The following ZRANB3 variants were observed in gnomAD, a reference collection of about 807,000 sequenced individuals.
ZRANB3 encodes DNA annealing helicase and endonuclease ZRANB3.
A neutral mutation model predicts 133.8 loss-of-function variants in ZRANB3; 125 were observed. That is an observed-to-expected ratio of 0.93 (90% CI 0.81 to 1.08). The LOEUF is 1.08. ZRANB3 is among the 50% of genes least tolerant of loss of function. The probability of loss-of-function intolerance (pLI) is 0.00; values close to 1 mark genes in which losing one functional copy is unlikely to be tolerated. For missense variants in ZRANB3, 1,229 were observed against 1,275.5 expected (o/e 0.96, Z 0.56); for synonymous variants, 387 against 432.7 (o/e 0.89, Z 1.31).
intron 17 of ZRANB3, among the ~76,000 whole-genome samples, chr2:135,211,374 C>T (rs1357410233): frequency 6.6e-6 from 1 of 152,096 alleles, no homozygotes; most frequent in Non-Finnish European, 1.5e-5. Flanking sequence ...AACCCTGTCT[C>T]TACTAAAAAT....
At chr2:135,218,774 G>C (rs1010876890) in intron 16 of ZRANB3, among the ~76,000 whole-genome samples, 2 of 152,132 alleles carry the variant, frequency 1.3e-5, no homozygotes, top group East Asian at 3.8e-4. Context: ...TGTGATTCTA[G>C]CAGATACAAA....
intron 2 of ZRANB3, among the ~76,000 whole-genome samples, chr2:135,430,172 T>A (rs1429050251): frequency 2.0e-5 from 3 of 150,938 alleles, no homozygotes; most frequent in Non-Finnish European, 4.4e-5. Flanking sequence ...CAAGACTCTG[T>A]CTCAAAAAAA....
intron 5 of ZRANB3, 28 bp from the exon 6 acceptor site, chr2:135,345,663 G>A (rs768417183): frequency 6.9e-7 from 1 of 1,439,070 alleles, no homozygotes; most frequent in Non-Finnish European, 9.6e-7. Context: ...TTTGTAGTAT[G>A]TTGTAATATT....
chr2:135,298,392 C>A (rs1682262650), intron 8 of ZRANB3, among the ~76,000 whole-genome samples: 1 of 152,078 alleles, frequency 6.6e-6, no homozygotes, highest in Non-Finnish European at 1.5e-5. Context: ...GTTAAAGAAC[C>A]TTGCTTTGTC....
At chr2:135,297,566 T>C (rs1682201766) in intron 8 of ZRANB3, among the ~76,000 whole-genome samples, 1 of 152,214 alleles carries the variant, frequency 6.6e-6, no homozygotes, top group Admixed American at 6.5e-5. Context: ...TCATGCACCG[T>C]GCGCTGCACC....
intron 2 of ZRANB3, among the ~76,000 whole-genome samples, chr2:135,407,770 A>G (rs1688109656): frequency 6.7e-6 from 1 of 149,328 alleles, no homozygotes; most frequent in Non-Finnish European, 1.5e-5. Context: ...GGCTAGCCAT[A>G]TGTAGAAAGC....
intron 6 of ZRANB3, among the ~76,000 whole-genome samples, chr2:135,318,581 T>A (rs1683370766): frequency 6.6e-6 from 1 of 151,274 alleles, no homozygotes; most frequent in Admixed American, 6.6e-5. Flanking sequence ...TATATATGTA[T>A]GTCTGTATAA....
chr2:135,512,058 T>G (rs1347119129), intron 1 of ZRANB3: 2 of 505,948 alleles, frequency 4.0e-6, no homozygotes, highest in Non-Finnish European at 7.3e-6. Context: ...AAACCCCTCA[T>G]GCAACTGTGT....
chr2:135,438,381 T>C (rs2104989856), intron 2 of ZRANB3, among the ~76,000 whole-genome samples: 1 of 152,042 alleles, frequency 6.6e-6, no homozygotes, highest in South Asian at 2.1e-4. Context: ...GGCGTGCACC[T>C]GTAATCCCAG....
chr2:135,432,713 G>C (rs1558996043), intron 2 of ZRANB3, among the ~76,000 whole-genome samples: 1 of 152,110 alleles, frequency 6.6e-6, no homozygotes, highest in Non-Finnish European at 1.5e-5. Context: ...GCCCAAACAG[G>C]AACGTCTGAA....
chr2:135,466,874 A>G (rs1355700772), intron 2 of ZRANB3, among the ~76,000 whole-genome samples: 3 of 151,950 alleles, frequency 2.0e-5, no homozygotes, highest in Admixed American at 1.3e-4. Context: ...GATGGGTTTC[A>G]CCATGTTGCC....
chr2:135,511,667 G>C, intron 1 of ZRANB3: 1 of 768,536 alleles, frequency 1.3e-6, no homozygotes, highest in South Asian at 1.3e-5. Flanking sequence ...CCCAACACCT[G>C]GACTACCACA....
At chr2:135,296,844 C>G (rs1175345550) in intron 8 of ZRANB3, among the ~76,000 whole-genome samples, 1 of 152,194 alleles carries the variant, frequency 6.6e-6, no homozygotes, top group East Asian at 1.9e-4. Context: ...GAGGTCCACT[C>G]CAGACCCTGT....
At chr2:135,330,256 T>C (rs1684071054) in intron 6 of ZRANB3, among the ~76,000 whole-genome samples, 1 of 152,200 alleles carries the variant, frequency 6.6e-6, no homozygotes, top group Admixed American at 6.6e-5. Context: ...TTACAGTTTT[T>C]GGCATGAAGG....
At chr2:135,338,199 A>G (rs1376450383) in intron 6 of ZRANB3, among the ~76,000 whole-genome samples, 2 of 152,240 alleles carry the variant, frequency 1.3e-5, no homozygotes, top group Non-Finnish European at 2.9e-5. Flanking sequence ...CAGATCCAGT[A>G]TTCAATAATT....
chr2:135,470,742 T>C (rs1431584635), intron 2 of ZRANB3, among the ~76,000 whole-genome samples: 1 of 151,330 alleles, frequency 6.6e-6, no homozygotes, highest in Non-Finnish European at 1.5e-5. Context: ...TTACTTCAAA[T>C]ACGGAGTCAA....
At chr2:135,529,477 T>A (rs1311720572) in intron 1 of ZRANB3, among the ~76,000 whole-genome samples, 3 of 152,134 alleles carry the variant, frequency 2.0e-5, no homozygotes, top group Admixed American at 2.0e-4. Context: ...GTATTATAGT[T>A]GGCACCCTGT....
chr2:135,383,054 T>C (rs1306018890), intron 3 of ZRANB3, among the ~76,000 whole-genome samples: 2 of 151,974 alleles, frequency 1.3e-5, no homozygotes, highest in East Asian at 1.9e-4. Flanking sequence ...ACTGGCAAAT[T>C]GGATAAAGAG....
intron 8 of ZRANB3, among the ~76,000 whole-genome samples, chr2:135,276,796 G>C (rs191210809): frequency 1.3e-5 from 2 of 152,278 alleles, no homozygotes; most frequent in East Asian, 3.9e-4. Context: ...TCCTAAACTG[G>C]CTATGGAAAG....
Sources: allele counts gnomAD v4.1 joint callset (sites outside exome capture counted in the v4.1 genomes callset), GRCh38; gene constraint gnomAD v4.1.1; transcripts MANE v1.5; gene names NCBI Gene and HGNC (gene_info 2026-07-23, HGNC 2026-07-21).